SAMMSON: variants seen among roughly 807,000 people sequenced by gnomAD.
SAMMSON encodes long intergenic non-protein coding RNA 1212.
At chr3:70,110,260 T>C (rs2067383209) in intron 4 of SAMMSON, among the ~76,000 whole-genome samples, 1 of 152,210 alleles carries the variant, frequency 6.6e-6, no homozygotes. Flanking sequence ...GCACCAGCTA[T>C]TGTTTGGCAC....
intron 2 of SAMMSON, among the ~76,000 whole-genome samples, chr3:70,428,844 A>T (rs1366370511): frequency 6.6e-6 from 1 of 152,174 alleles, no homozygotes; most frequent in Non-Finnish European, 1.5e-5. Context: ...TCCAATGATG[A>T]TTCATTCACT....
chr3:70,273,109 T>A (rs1186465340), intron 6 of SAMMSON, among the ~76,000 whole-genome samples: 2 of 152,134 alleles, frequency 1.3e-5, no homozygotes, highest in African/African-American at 2.4e-5. Context: ...AAGGCTGCCG[T>A]TACAAGGAAG....
At chr3:70,375,491 T>C (rs1295055147) in intron 9 of SAMMSON, among the ~76,000 whole-genome samples, 5 of 151,982 alleles carry the variant, frequency 3.3e-5, no homozygotes, top group African/African-American at 1.2e-4. Context: ...ATGAGTGAGT[T>C]GGCTATTTGC....
intron 2 of SAMMSON, among the ~76,000 whole-genome samples, chr3:70,422,763 A>C (rs1246862967): frequency 6.6e-6 from 1 of 151,716 alleles, no homozygotes; most frequent in Non-Finnish European, 1.5e-5. Flanking sequence ...CCATATAAAT[A>C]AAAAAAAGCA....
chr3:70,361,957 T>A (rs375566647), intron 9 of SAMMSON, among the ~76,000 whole-genome samples: 1 of 152,192 alleles, frequency 6.6e-6, no homozygotes, highest in South Asian at 2.1e-4. Flanking sequence ...TTTTGCTATA[T>A]AAATAGATCC....
chr3:70,108,591 G>C (rs1396880736), intron 4 of SAMMSON, among the ~76,000 whole-genome samples: 1 of 151,752 alleles, frequency 6.6e-6, no homozygotes, highest in Non-Finnish European at 1.5e-5. Context: ...AATGTAATGA[G>C]AGTTGGAGAT....
At chr3:70,347,348 T>C (rs1026919044) in intron 7 of SAMMSON, among the ~76,000 whole-genome samples, 5 of 152,230 alleles carry the variant, frequency 3.3e-5, no homozygotes, top group Non-Finnish European at 5.9e-5. Flanking sequence ...AATTAAAAGA[T>C]AGAAATAAAC....
chr3:70,325,916 C>A (rs1435154871), intron 7 of SAMMSON, among the ~76,000 whole-genome samples: 1 of 152,142 alleles, frequency 6.6e-6, no homozygotes, highest in East Asian at 1.9e-4. Flanking sequence ...GACACCTTTT[C>A]TCGGATGAAC....
chr3:70,230,509 TA>T (rs1701548398), intron 4 of SAMMSON, among the ~76,000 whole-genome samples: 1 of 152,142 alleles, frequency 6.6e-6, no homozygotes, highest in Non-Finnish European at 1.5e-5. Flanking sequence ...CATATATATA[TA>T]TATACAGTTT....
At chr3:70,007,208 T>C (rs4293707) in intron 1 of SAMMSON, among the ~76,000 whole-genome samples, 70,048 of 151,922 alleles carry the variant, frequency 0.46, 17,299 homozygotes, top group East Asian at 0.63. Flanking sequence ...TTTAAGATCC[T>C]TGAGGAATCG....
At chr3:70,269,380 G>C (rs959938592) in intron 6 of SAMMSON, among the ~76,000 whole-genome samples, 2 of 152,184 alleles carry the variant, frequency 1.3e-5, no homozygotes, top group Non-Finnish European at 2.9e-5. Context: ...TAGACACCCT[G>C]TAACCTACTT....
At chr3:70,010,826 T>C (rs2066951380) in intron 1 of SAMMSON, among the ~76,000 whole-genome samples, 1 of 152,126 alleles carries the variant, frequency 6.6e-6, no homozygotes, top group African/African-American at 2.4e-5. Context: ...AGGCACCTTC[T>C]TCACAGGGCT....
At chr3:70,118,421 T>C (rs2067420122) in intron 4 of SAMMSON, among the ~76,000 whole-genome samples, 1 of 152,212 alleles carries the variant, frequency 6.6e-6, no homozygotes, top group Admixed American at 6.5e-5. Context: ...TAGAATCTTT[T>C]TTCCCCCAAC....
chr3:70,243,894 A>G (rs1360687903), intron 4 of SAMMSON, among the ~76,000 whole-genome samples: 1 of 152,144 alleles, frequency 6.6e-6, no homozygotes, highest in Non-Finnish European at 1.5e-5. Context: ...AAAATACTGT[A>G]ATAATTGTCT....
chr3:70,328,084 G>C (rs1702591299), intron 7 of SAMMSON, among the ~76,000 whole-genome samples: 1 of 152,146 alleles, frequency 6.6e-6, no homozygotes, highest in Non-Finnish European at 1.5e-5. Context: ...CTTGTGCAGG[G>C]AAACTCCCCT....
At chr3:70,032,932 T>C (rs929698785) in intron 3 of SAMMSON, among the ~76,000 whole-genome samples, 1 of 152,154 alleles carries the variant, frequency 6.6e-6, no homozygotes, top group African/African-American at 2.4e-5. Context: ...TAATAGCTCC[T>C]CAGTCCACTT....
At chr3:70,196,837 T>C (rs1163525021) in intron 4 of SAMMSON, 1 of 397,556 alleles carries the variant, frequency 2.5e-6, no homozygotes, top group Non-Finnish European at 4.4e-6. Flanking sequence ...GTACAGTCCT[T>C]ACATTTCAGC....
At chr3:70,349,323 G>A (rs535350884) in intron 7 of SAMMSON, among the ~76,000 whole-genome samples, 1 of 151,872 alleles carries the variant, frequency 6.6e-6, no homozygotes, top group Non-Finnish European at 1.5e-5. Context: ...GCAGTGAGCC[G>A]AAATCATGCC....
chr3:70,236,926 C>T (rs1005781444), intron 4 of SAMMSON, among the ~76,000 whole-genome samples: 3 of 152,110 alleles, frequency 2.0e-5, no homozygotes, highest in African/African-American at 7.2e-5. Context: ...AAAAATATTT[C>T]TTTATTAAGC....
Sources: allele counts gnomAD v4.1 joint callset (sites outside exome capture counted in the v4.1 genomes callset), GRCh38; gene constraint gnomAD v4.1.1; transcripts MANE v1.5; gene names NCBI Gene and HGNC (gene_info 2026-07-23, HGNC 2026-07-21).